The following SNTB1 variants were observed in gnomAD, a reference collection of about 807,000 sequenced individuals.
The protein encoded by SNTB1 is syntrophin beta 1.
A neutral mutation model predicts 48.9 loss-of-function variants in SNTB1; 36 were observed. That is an observed-to-expected ratio of 0.74 (90% CI 0.56 to 0.97). The LOEUF (loss-of-function observed/expected upper bound fraction) is 0.97, where lower values mean the gene tolerates loss of function less well. Among genes scored for constraint, SNTB1 ranks in the 50% least tolerant of loss-of-function variants. The pLI is 0.00. For missense variants in SNTB1, 786 were observed against 703.4 expected (o/e 1.12, Z -1.33); for synonymous variants, 299 against 294.6 (o/e 1.01, Z -0.15).
intron 3 of SNTB1, among the ~76,000 whole-genome samples, chr8:120,594,264 T>A (rs1816289206): frequency 6.6e-6 from 1 of 151,712 alleles, no homozygotes; most frequent in Non-Finnish European, 1.5e-5. Flanking sequence ...TGAGACAGAG[T>A]TTCTCTCTTG....
At position 120,700,053 on chromosome 8, in the gene SNTB1, G is replaced by A. The variant is rs181664750; in HGVS notation, c.572-6145C>T. ...CTTTGGTCATTCGCCCAAAGTCAGT[G>A]TTGGAAAATGGCAGAAGCATGAGGT... On this transcript the variant is annotated intron_variant, in intron 1 of 6. Coordinates refer to ENST00000517992, the MANE Select transcript of SNTB1 (RefSeq NM_021021.4). Among the ~76,000 whole-genome samples, 8 of 152,240 alleles carry A rather than the reference G, an allele frequency of 5.3e-5. No homozygotes were observed. The East Asian group carries it at 1.4e-3, about 26-fold the overall frequency.
chr8:120,667,897 C>G (rs539277286), intron 2 of SNTB1, among the ~76,000 whole-genome samples: 1 of 152,148 alleles, frequency 6.6e-6, no homozygotes, highest in East Asian at 1.9e-4. Flanking sequence ...ACCCAATGTC[C>G]CATGAATCAT....
intron 3 of SNTB1, among the ~76,000 whole-genome samples, chr8:120,617,210 C>T (rs1296789854): frequency 6.6e-6 from 1 of 152,122 alleles, no homozygotes; most frequent in Admixed American, 6.5e-5. Context: ...GATTGGACAC[C>T]CCTGGTGTAG....
chr8:120,636,992 C>A (rs1817091033), intron 2 of SNTB1: 1 of 324,620 alleles, frequency 3.1e-6, no homozygotes, highest in African/African-American at 2.2e-5. Flanking sequence ...CTTAGGAATT[C>A]TTGGCCTGAG....
intron 1 of SNTB1, among the ~76,000 whole-genome samples, chr8:120,709,248 T>C (rs1028890408): frequency 2.0e-5 from 3 of 152,186 alleles, no homozygotes; most frequent in African/African-American, 7.2e-5. Flanking sequence ...TCTAGTGTTC[T>C]TAAATTTCCT....
At chr8:120,646,973 C>G (rs140807484) in intron 2 of SNTB1, among the ~76,000 whole-genome samples, 3,421 of 151,922 alleles carry the variant, frequency 0.023, 119 homozygotes, top group African/African-American at 0.079. Flanking sequence ...GTAGTATTCT[C>G]TGATGGTAGC....
At chr8:120,667,675 G>C (rs568260940) in intron 2 of SNTB1, among the ~76,000 whole-genome samples, 15 of 152,192 alleles carry the variant, frequency 9.9e-5, no homozygotes, top group African/African-American at 3.6e-4. Context: ...TTTTTTCATA[G>C]GTGCCAAACA....
Position 120,588,097 on chromosome 8 carries a change from C to T in SNTB1, c.997-12872G>A, listed in dbSNP as rs377245772. Among the ~76,000 whole-genome samples the T allele has an allele frequency of 1.5e-4, 23 of 152,272 alleles. 1 individual carries two copies. The highest frequency in any genetic ancestry group is 5.5e-4 in the African/African-American group (23 of 41,554). The stretch of plus-strand genomic sequence containing the variant: ...TGGGAAAAAAAAATGTATGCTTCAA[C>T]ATCCTGTGTTTTGTTTCCAAAGGAT... On this transcript the variant is annotated intron_variant, in intron 3 of 6. Coordinates refer to ENST00000517992, the MANE Select transcript of SNTB1 (RefSeq NM_021021.4).
At chr8:120,586,259 A>C (rs1816137698) in intron 3 of SNTB1, among the ~76,000 whole-genome samples, 1 of 152,210 alleles carries the variant, frequency 6.6e-6, no homozygotes, top group African/African-American at 2.4e-5. Context: ...GTTTTTATGT[A>C]AACTTTCCCT....
intron 2 of SNTB1, among the ~76,000 whole-genome samples, chr8:120,649,819 A>G (rs1161915560): frequency 1.3e-5 from 2 of 151,720 alleles, no homozygotes; most frequent in Admixed American, 1.3e-4. Context: ...AATCAGCGAG[A>G]CTCCGTGGGC....
intron 2 of SNTB1, among the ~76,000 whole-genome samples, chr8:120,692,380 A>G (rs1818143115): frequency 6.6e-6 from 1 of 152,174 alleles, no homozygotes. Context: ...CATTCTAAAT[A>G]AGGGCCAGTC....
intron 4 of SNTB1, among the ~76,000 whole-genome samples, chr8:120,558,298 G>A (rs887519219): frequency 6.6e-6 from 1 of 152,132 alleles, no homozygotes; most frequent in African/African-American, 2.4e-5. Flanking sequence ...CCAAGAAAAT[G>A]CTGTCTCCCA....
At chr8:120,638,261 A>T (rs1471391212) in intron 2 of SNTB1, 1 of 152,102 alleles carries the variant, frequency 6.6e-6, no homozygotes, top group Non-Finnish European at 1.5e-5. Flanking sequence ...CCTTTCCTAC[A>T]TCTTCAGTGT....
rs188767464 is a variant in SNTB1, at chr8:120,575,956, C to G, written c.997-731G>C. On this transcript the variant is annotated intron_variant, in intron 3 of 6. Transcript: ENST00000517992. ...GCCATCCCCTTGGCCTGGTGTTTGC[C>G]CTTCCCAAACTTCCTATATGTTCCT... 7.9e-4 allele frequency among the ~76,000 whole-genome samples: 120 copies of G among 152,266 alleles called. 1 individual carries two copies. Among genetic ancestry groups the G allele is most frequent in the African/African-American group, 2.6e-3 (109 of 41,542 alleles).
chr8:120,669,018 A>C (rs1365191768), intron 2 of SNTB1, among the ~76,000 whole-genome samples: 2 of 152,212 alleles, frequency 1.3e-5, no homozygotes, highest in Non-Finnish European at 2.9e-5. Flanking sequence ...ACAAGGGCAT[A>C]AGACTGATGA....
chr8:120,709,114 G>A (rs1231994597), intron 1 of SNTB1, among the ~76,000 whole-genome samples: 3 of 152,112 alleles, frequency 2.0e-5, no homozygotes, highest in Non-Finnish European at 4.4e-5. Context: ...GAGGGAGAAA[G>A]AGAGGGAGGG....
chr8:120,564,745 AT>A (rs1431428767), intron 4 of SNTB1, among the ~76,000 whole-genome samples: 1 of 150,636 alleles, frequency 6.6e-6, no homozygotes, highest in African/African-American at 2.4e-5. Context: ...ATTTTTTTGT[AT>A]TTTTAGTAGA....
chr8:120,663,558 C>T (rs1416236258), intron 2 of SNTB1, among the ~76,000 whole-genome samples: 7 of 152,248 alleles, frequency 4.6e-5, no homozygotes, highest in South Asian at 2.1e-4. Context: ...CCGCCTGCCT[C>T]GGCCTCCCAA....
chr8:120,807,836 A>T (rs1017817846), intron 1 of SNTB1, among the ~76,000 whole-genome samples: 1 of 152,170 alleles, frequency 6.6e-6, no homozygotes, highest in South Asian at 2.1e-4. Flanking sequence ...TATTGCCTAG[A>T]GGTTAAAAGT....
Sources: gnomAD v4.1 joint callset for allele counts (sites outside exome capture counted in the v4.1 genomes callset) on GRCh38, gnomAD v4.1.1 for gene constraint, MANE v1.5 for transcripts, NCBI Gene and HGNC (gene_info 2026-07-23, HGNC 2026-07-21) for gene names.